The following TOX2 variants were observed in gnomAD, a reference collection of about 807,000 sequenced individuals.
TOX2 encodes the protein TOX high mobility group box family member 2.
TOX2 carries 15 observed loss-of-function variants against 47.4 expected under a neutral mutation model. That is an observed-to-expected ratio of 0.32 (90% CI 0.21 to 0.49). The LOEUF (loss-of-function observed/expected upper bound fraction) is 0.49, where lower values mean the gene tolerates loss of function less well. Among genes scored for constraint, TOX2 ranks in the 20% least tolerant of loss-of-function variants. TOX2 has a pLI of 0.99. For synonymous variants in TOX2, 290 were observed against 296.6 expected (o/e 0.98, Z 0.23); for missense variants, 622 against 673.1 (o/e 0.92, Z 0.84).
chr20:44,015,950 G>T (rs867798801), intron 3 of TOX2, among the ~76,000 whole-genome samples: 112 of 152,216 alleles, frequency 7.4e-4, no homozygotes, highest in African/African-American at 2.3e-3. Context: ...TAACACGCAG[G>T]CTGGTTTTCT....
At chr20:43,945,885 G>A (rs773301340) in intron 1 of TOX2, 26 of 1,608,648 alleles carry the variant, frequency 1.6e-5, no homozygotes, top group East Asian at 2.2e-5. Context: ...TGCTATTTCT[G>A]GCATTTTTTC....
chr20:43,932,827 C>T (rs1380419599), intron 1 of TOX2, among the ~76,000 whole-genome samples: 6 of 151,566 alleles, frequency 4.0e-5, no homozygotes, highest in South Asian at 2.1e-4. Context: ...TTCCTCTAAG[C>T]AGAGACATCA....
chr20:43,955,681 A>G (rs957424088), intron 1 of TOX2, among the ~76,000 whole-genome samples: 3 of 152,212 alleles, frequency 2.0e-5, no homozygotes, highest in African/African-American at 4.8e-5. Context: ...CGTATTCTGC[A>G]TAACATGCTG....
chr20:44,014,314 G>A (rs868375271), intron 3 of TOX2, among the ~76,000 whole-genome samples: 1 of 152,094 alleles, frequency 6.6e-6, no homozygotes, highest in South Asian at 2.1e-4. Flanking sequence ...AGCCTGTCAT[G>A]TGGCAAATCC....
rs145483516 is a variant in TOX2, at chr20:43,977,172, G to A, written c.165+3740G>A. 3.7e-3 allele frequency among the ~76,000 whole-genome samples: 570 copies of A among 152,166 alleles called. 4 individuals are homozygous for A. Among genetic ancestry groups the A allele is most frequent in the African/African-American group, 0.013 (532 of 41,498 alleles). ...GGCTGGAGTGCAGTAGCTTGATCTC[G>A]GCTCACTGCAACCTCCACCTCCTGG... On this transcript the variant is annotated intron_variant, in intron 2 of 8. Transcript: ENST00000341197.
intron 3 of TOX2, among the ~76,000 whole-genome samples, chr20:44,021,189 C>T (rs1005874062): frequency 1.3e-5 from 2 of 152,082 alleles, no homozygotes; most frequent in South Asian, 2.1e-4. Flanking sequence ...CGCAAAATTC[C>T]TCCCACTGCT....
Position 43,928,650 on chromosome 20 carries a change from A to G in TOX2, c.99+13660A>G, listed in dbSNP as rs186894547. Among the ~76,000 whole-genome samples, 116 of 152,312 alleles carry G rather than the reference A, an allele frequency of 7.6e-4. 1 individual carries two copies. The highest frequency in any genetic ancestry group is 2.5e-3 in the African/African-American group (106 of 41,570). On this transcript the variant is annotated intron_variant, in intron 1 of 8. Coordinates refer to ENST00000341197, the MANE Select transcript of TOX2 (RefSeq NM_001098797.2). ...CATGCTTCTGTCTGACGCTCTGTCAACACGCCCTGTCATTCGCTTCTTTGT... is the reference window on the plus strand; with the variant it reads ...CATGCTTCTGTCTGACGCTCTGTCAGCACGCCCTGTCATTCGCTTCTTTGT...
At position 44,057,368 on chromosome 20, in the gene TOX2, T is replaced by A. The variant is rs144860186; in HGVS notation, c.879+2842T>A. Among the ~76,000 whole-genome samples the A allele has an allele frequency of 1.3e-3, 195 of 152,362 alleles. 1 individual carries two copies. Among genetic ancestry groups the A allele is most frequent in the African/African-American group, 4.4e-3 (184 of 41,588 alleles). On this transcript the variant is annotated intron_variant, in intron 5 of 8. Transcript: ENST00000341197. The stretch of plus-strand genomic sequence containing the variant: ...CTTTGCATTACCTCTCATGTTTCAC[T>A]ATTAAGCATAAGGCTGGATGTTAGC...
At chr20:44,058,299 G>C (rs553655052) in intron 5 of TOX2, among the ~76,000 whole-genome samples, 1 of 152,176 alleles carries the variant, frequency 6.6e-6, no homozygotes, top group Non-Finnish European at 1.5e-5. Flanking sequence ...AGACCAGCCT[G>C]TGGCTGCCAG....
Position 44,039,302 on chromosome 20 carries a change from C to T in TOX2, c.412-12004C>T, listed in dbSNP as rs74709789. 1.5e-3 allele frequency: 1,894 copies of T among 1,289,168 alleles called. 7 individuals carry two copies. In the African/African-American group the frequency reaches 0.02, roughly 14 times the overall value. 79.9% of individuals were successfully genotyped at this position (1,289,168 alleles called of 1,614,324 possible). A position where few individuals can be genotyped will look rare whatever the true frequency, so the allele number is the denominator to read the frequency against. On this transcript the variant is annotated intron_variant, in intron 3 of 8. Transcript: ENST00000341197. ...GAGAAGCCCACATGTCCCCAGGGAGCTCTGGGAAGGGGCTGGAGAGGTCAG... is the reference window on the plus strand; with the variant it reads ...GAGAAGCCCACATGTCCCCAGGGAGTTCTGGGAAGGGGCTGGAGAGGTCAG...
chr20:43,917,648 G>A lies in TOX2; in HGVS notation c.99+2658G>A, dbSNP rs547050537. On this transcript the variant is annotated intron_variant, in intron 1 of 8. Coordinates refer to ENST00000341197, the MANE Select transcript of TOX2 (RefSeq NM_001098797.2). Reference sequence around the variant, plus strand: ...TCCCCTTGGCGACTGTCCCCTTAGCGATCCTCTACACAGAGATTCCCAGCC... The same window carrying A: ...TCCCCTTGGCGACTGTCCCCTTAGCAATCCTCTACACAGAGATTCCCAGCC... Among the ~76,000 whole-genome samples, 5 of 152,232 alleles carry A rather than the reference G, an allele frequency of 3.3e-5. No homozygotes were observed. In the South Asian group the frequency reaches 8.3e-4, roughly 25 times the overall value.
rs1371951467 is a variant in TOX2, at chr20:43,914,867, C to G, written c.-25C>G. ...CCGCCCAGGCACTGCCCGCGGGAGC[C>G]GCCGCCGCCGCCGCCGCGCCCGCCA... On this transcript the variant is annotated 5_prime_UTR_variant, in exon 1 of 9. Transcript: ENST00000341197. The surrounding 1 kb of genome is among the most constrained non-coding windows in gnomAD (Gnocchi z 4.5). 1.2e-6 allele frequency: 1 copy of G among 805,922 alleles called. No homozygotes were observed. Among genetic ancestry groups the G allele is most frequent in the Non-Finnish European group, 1.5e-6 (1 of 667,916 alleles). 49.9% of individuals were successfully genotyped at this position (805,922 alleles called of 1,614,324 possible).
At chr20:44,047,852 T>TAAAAAAAAAAAAAAAAA (rs1198225728) in intron 3 of TOX2, among the ~76,000 whole-genome samples, 3 of 141,994 alleles carry the variant, frequency 2.1e-5, no homozygotes, top group Non-Finnish European at 4.7e-5. Context: ...AAAAAAAAAT[T>TAAAAAAAAAAAAAAAAA]AAAAAAAAAA....
At chr20:43,986,278 T>TGTAC (rs1324241105) in intron 2 of TOX2, among the ~76,000 whole-genome samples, 1 of 151,700 alleles carries the variant, frequency 6.6e-6, no homozygotes. Flanking sequence ...TATGTATGTA[T>TGTAC]GTATGTATGT....
intron 2 of TOX2, among the ~76,000 whole-genome samples, chr20:43,984,377 T>C (rs758617777): frequency 9.2e-5 from 14 of 152,338 alleles, no homozygotes; most frequent in Non-Finnish European, 1.8e-4. Context: ...CCATCCTGTG[T>C]ATATGGAGAG....
At position 44,068,840 on chromosome 20, in the gene TOX2, C is replaced by G. The variant is rs1475238984; in HGVS notation, c.*154C>G. 1 of 1,032,196 alleles carries G rather than the reference C, an allele frequency of 9.7e-7. No homozygotes were observed. The highest frequency in any genetic ancestry group is 1.5e-6 in the Non-Finnish European group (1 of 674,248). The allele number at this position is 1,032,196 out of a possible 1,614,324, so 63.9% of individuals were successfully genotyped here. A position where few individuals can be genotyped will look rare whatever the true frequency, so the allele number is the denominator to read the frequency against. Reference sequence around the variant, plus strand: ...CCCGGGGGCTGAGTCTCTTCCTCAACCTCCCACCAGACTCTGCAGAGGCAG... The same window carrying G: ...CCCGGGGGCTGAGTCTCTTCCTCAAGCTCCCACCAGACTCTGCAGAGGCAG... On this transcript the variant is annotated 3_prime_UTR_variant, in exon 9 of 9. Transcript: ENST00000341197.
At position 43,933,977 on chromosome 20, in the gene TOX2, C is replaced by T. The variant is rs190665842; in HGVS notation, c.99+18987C>T. Among the ~76,000 whole-genome samples the T allele has an allele frequency of 9.2e-5, 14 of 151,926 alleles. No homozygotes were observed. The East Asian group carries it at 1.4e-3, about 15-fold the overall frequency. On this transcript the variant is annotated intron_variant, in intron 1 of 8. Transcript: ENST00000341197. ...ACTCTGCTGTGTCCCCTGGGGTGGC[C>T]GCCTCTCCTTTCTGGGAGCTGCGTG...
At chr20:44,015,994 T>C (rs2070871848) in intron 3 of TOX2, among the ~76,000 whole-genome samples, 1 of 152,078 alleles carries the variant, frequency 6.6e-6, no homozygotes, top group African/African-American at 2.4e-5. Context: ...CGAGATAAGA[T>C]TCATGGTTTT....
chr20:43,956,922 C>A (rs2069678358), intron 1 of TOX2, among the ~76,000 whole-genome samples: 1 of 152,076 alleles, frequency 6.6e-6, no homozygotes, highest in African/African-American at 2.4e-5. Flanking sequence ...CTGTTGGCAT[C>A]TTGCTTTCTG....
Sources: gnomAD v4.1 joint callset for allele counts (sites outside exome capture counted in the v4.1 genomes callset) on GRCh38, gnomAD v4.1.1 for gene constraint, Gnocchi (gnomAD v3.1) non-coding constraint, MANE v1.5 for transcripts, NCBI Gene and HGNC (gene_info 2026-07-23, HGNC 2026-07-21) for gene names.